The following RAB27B variants were observed in gnomAD, a reference collection of about 807,000 sequenced individuals.
RAB27B encodes the protein ras-related protein Rab-27B.
RAB27B carries 15 observed loss-of-function variants against 24.6 expected under a neutral mutation model. The observed-to-expected ratio is 0.61, with a 90% CI of 0.41 to 0.94. RAB27B has a LOEUF of 0.94. Ranked by LOEUF, RAB27B falls within the 40% of genes least tolerant of loss-of-function variation. The pLI is 0.00. For missense variants in RAB27B, 261 were observed against 266.8 expected (o/e 0.98, Z 0.15); for synonymous variants, 105 against 92.5 (o/e 1.14, Z -0.78).
chr18:54,742,582 A>G (rs1910102467), intron 2 of RAB27B, among the ~76,000 whole-genome samples: 1 of 152,190 alleles, frequency 6.6e-6, no homozygotes, highest in African/African-American at 2.4e-5. Flanking sequence ...CTCTGCTAAT[A>G]ATCAAGTTTA....
chr18:54,728,025 T>C (rs1056730525), intron 2 of RAB27B, among the ~76,000 whole-genome samples: 1 of 152,062 alleles, frequency 6.6e-6, no homozygotes, highest in Non-Finnish European at 1.5e-5. Flanking sequence ...GAAAAGTGGA[T>C]AAGAATAAGA....
chr18:54,816,028 A>G (rs899397036), intron 2 of RAB27B, among the ~76,000 whole-genome samples: 3 of 152,228 alleles, frequency 2.0e-5, no homozygotes, highest in Non-Finnish European at 2.9e-5. Context: ...CGAAACCCCT[A>G]TCTTTTTCAA....
chr18:54,730,738 T>A (rs761289605), intron 2 of RAB27B, among the ~76,000 whole-genome samples: 2 of 152,142 alleles, frequency 1.3e-5, no homozygotes, highest in Non-Finnish European at 2.9e-5. Flanking sequence ...CTGCCATGAG[T>A]AAAAGCTTCC....
At chr18:54,852,200 C>G (rs1911614200) in intron 1 of RAB27B, among the ~76,000 whole-genome samples, 1 of 152,118 alleles carries the variant, frequency 6.6e-6, no homozygotes, top group Non-Finnish European at 1.5e-5. Context: ...TCATTTCCAC[C>G]TACTCAAGAT....
intron 2 of RAB27B, among the ~76,000 whole-genome samples, chr18:54,736,315 G>A (rs1909891330): frequency 6.6e-6 from 1 of 152,146 alleles, no homozygotes; most frequent in Non-Finnish European, 1.5e-5. Flanking sequence ...GCACCCAATA[G>A]TGCAGTAAGG....
At chr18:54,868,581 T>G (rs539651186) in intron 1 of RAB27B, among the ~76,000 whole-genome samples, 1 of 149,578 alleles carries the variant, frequency 6.7e-6, no homozygotes, top group African/African-American at 2.5e-5. Flanking sequence ...AAAAAGGATG[T>G]GACATTCTAA....
intron 2 of RAB27B, among the ~76,000 whole-genome samples, chr18:54,762,900 C>T (rs978701571): frequency 2.6e-5 from 4 of 152,188 alleles, no homozygotes; most frequent in African/African-American, 7.2e-5. Flanking sequence ...CTATATCCCT[C>T]ACACCTGGGG....
intron 2 of RAB27B, among the ~76,000 whole-genome samples, chr18:54,807,242 A>G (rs895699313): frequency 6.6e-6 from 1 of 152,174 alleles, no homozygotes; most frequent in African/African-American, 2.4e-5. Context: ...TGGTTTAGTA[A>G]AATTAACTAG....
intron 2 of RAB27B, among the ~76,000 whole-genome samples, chr18:54,777,991 A>G (rs575045439): frequency 3.3e-5 from 5 of 152,320 alleles, no homozygotes; most frequent in African/African-American, 1.2e-4. Flanking sequence ...TAAAAAGTCA[A>G]CTTGCTAGAG....
At chr18:54,751,426 G>C (rs1400286554) in intron 2 of RAB27B, among the ~76,000 whole-genome samples, 2 of 152,180 alleles carry the variant, frequency 1.3e-5, no homozygotes, top group Non-Finnish European at 2.9e-5. Context: ...TGGACACATT[G>C]ATTTGAGGTC....
At position 54,850,030 on chromosome 18, in the gene RAB27B, A is replaced by AC. The variant is rs2145216129; in HGVS notation, c.-20+21332dup. The stretch of plus-strand genomic sequence containing the variant: ...TGGCAAAATTCCTCTTCACACATAA[A>AC]CCACTTAATACAAAACCATGTTTTG... On this transcript the variant is annotated intron_variant, in intron 1 of 5. Transcript: ENST00000262094. Among the ~76,000 whole-genome samples, 2 of 151,788 alleles carry AC rather than the reference A, an allele frequency of 1.3e-5. 1 individual carries two copies. The highest frequency in any genetic ancestry group is 4.2e-4 in the South Asian group (2 of 4,792).
At chr18:54,839,103 C>T (rs1911007337) in intron 1 of RAB27B, among the ~76,000 whole-genome samples, 1 of 152,060 alleles carries the variant, frequency 6.6e-6, no homozygotes, top group Admixed American at 6.6e-5. Context: ...TAAATAATGA[C>T]TATTTGACAT....
At chr18:54,878,668 T>C (rs1912801686) in intron 2 of RAB27B, among the ~76,000 whole-genome samples, 1 of 152,110 alleles carries the variant, frequency 6.6e-6, no homozygotes, top group African/African-American at 2.4e-5. Flanking sequence ...ATTTTCCCTT[T>C]AAAACGTATT....
chr18:54,840,306 G>T (rs895546098), intron 1 of RAB27B, among the ~76,000 whole-genome samples: 21 of 152,126 alleles, frequency 1.4e-4, no homozygotes, highest in African/African-American at 5.1e-4. Context: ...CCCAAGCTAG[G>T]AAATCAATGA....
intron 2 of RAB27B, among the ~76,000 whole-genome samples, chr18:54,796,772 G>T (rs1470135337): frequency 1.3e-5 from 2 of 152,182 alleles, no homozygotes; most frequent in East Asian, 3.8e-4. Flanking sequence ...TGCAAGAACA[G>T]GAGTGCTTGT....
At chr18:54,765,194 C>T (rs974848031) in intron 2 of RAB27B, among the ~76,000 whole-genome samples, 2 of 152,032 alleles carry the variant, frequency 1.3e-5, no homozygotes, top group Non-Finnish European at 2.9e-5. Flanking sequence ...CTTAAATTCC[C>T]CCAATTCAGT....
intron 2 of RAB27B, among the ~76,000 whole-genome samples, chr18:54,784,147 A>C (rs932409796): frequency 5.9e-5 from 9 of 152,174 alleles, no homozygotes; most frequent in African/African-American, 2.2e-4. Flanking sequence ...TAAAACAATC[A>C]AAGCAGAAGT....
At chr18:54,873,978 C>T (rs1476910966) in intron 1 of RAB27B, among the ~76,000 whole-genome samples, 2 of 152,108 alleles carry the variant, frequency 1.3e-5, no homozygotes, top group African/African-American at 4.8e-5. Context: ...AGAAAAGAGG[C>T]AATGTGGGCC....
At chr18:54,732,567 T>C (rs1174474112) in intron 2 of RAB27B, among the ~76,000 whole-genome samples, 1 of 152,162 alleles carries the variant, frequency 6.6e-6, no homozygotes, top group Non-Finnish European at 1.5e-5. Context: ...AAAATATAAT[T>C]TTAAAAGAAA....
Sources: gnomAD v4.1 joint callset for allele counts (sites outside exome capture counted in the v4.1 genomes callset) on GRCh38, gnomAD v4.1.1 for gene constraint, MANE v1.5 for transcripts, NCBI Gene and HGNC (gene_info 2026-07-23, HGNC 2026-07-21) for gene names.